RFC1: variants seen among roughly 807,000 people sequenced by gnomAD.
RFC1 encodes the protein replication factor C subunit 1.
Under a neutral mutation model 137.4 loss-of-function variants are expected in RFC1, and 37 were observed. That is an observed-to-expected ratio of 0.27 (90% confidence interval 0.21 to 0.35). The LOEUF (loss-of-function observed/expected upper bound fraction) is 0.35. Among genes scored for constraint, RFC1 ranks in the 10% least tolerant of loss-of-function variants. The pLI, the probability that RFC1 is intolerant of heterozygous loss-of-function variation, is 1.00. For missense variants in RFC1, 1,205 were observed against 1,358.5 expected (o/e 0.89, Z 1.78); for synonymous variants, 429 against 455.7 (o/e 0.94, Z 0.75).
Position 39,366,247 on chromosome 4 carries a change from C to T in RFC1, c.-6G>A. ...CTCCCCCAGCGGCTCACCATCGCAG[C>T]CCCAGGATGAAGGCGCTGGCTGGCT... On this transcript the variant is annotated 5_prime_UTR_variant, in exon 1 of 25. Coordinates refer to ENST00000349703, the MANE Select transcript of RFC1 (RefSeq NM_002913.5). 1.3e-6 allele frequency: 2 copies of T among 1,547,246 alleles called. No individual in the cohort carries two copies. Among genetic ancestry groups the T allele is most frequent in the Admixed American group, 2.0e-5 (1 of 50,794 alleles).
chr4:39,306,005 C>T (rs1417367379), intron 14 of RFC1, among the ~76,000 whole-genome samples: 1 of 152,204 alleles, frequency 6.6e-6, no homozygotes, highest in Non-Finnish European at 1.5e-5. Flanking sequence ...TTTCTAATCT[C>T]TTATTTCATC....
At chr4:39,353,373 C>T (rs1195438396) in intron 1 of RFC1, among the ~76,000 whole-genome samples, 1 of 110,042 alleles carries the variant, frequency 9.1e-6, no homozygotes, top group Non-Finnish European at 1.7e-5. Flanking sequence ...GCACTCCAGC[C>T]TGGGCGACAG....
At chr4:39,322,778 C>CA (rs768012107) in intron 7 of RFC1, among the ~76,000 whole-genome samples, 2,111 of 112,228 alleles carry the variant, frequency 0.019, 38 homozygotes, top group African/African-American at 0.056. Context: ...GACCTTGTCT[C>CA]AAAAAAAAAA....
At chr4:39,306,229 T>C (rs1738645486) in intron 14 of RFC1, among the ~76,000 whole-genome samples, 1 of 152,202 alleles carries the variant, frequency 6.6e-6, no homozygotes, top group African/African-American at 2.4e-5. Flanking sequence ...ATGTGGATGA[T>C]GACAGTACAG....
chr4:39,366,115 T>C, intron 1 of RFC1, 124 bp downstream of exon 1: 1 of 1,088,960 alleles, frequency 9.2e-7, no homozygotes, highest in Non-Finnish European at 1.3e-6. Context: ...TCTCTGCCTT[T>C]GCTAGCCTCC....
chr4:39,308,199 G>A (rs1738781922), intron 13 of RFC1, among the ~76,000 whole-genome samples: 1 of 152,072 alleles, frequency 6.6e-6, no homozygotes, highest in East Asian at 1.9e-4. Context: ...GCTGTCACAT[G>A]GCTTCAGACC....
At chr4:39,350,247 CCG>C (rs1464245992) in intron 2 of RFC1, among the ~76,000 whole-genome samples, 1 of 151,914 alleles carries the variant, frequency 6.6e-6, no homozygotes, top group East Asian at 1.9e-4. Flanking sequence ...GCTCAATGAT[CCG>C]TGAGACAATA....
intron 14 of RFC1, 146 bp from the exon 15 acceptor site, chr4:39,305,074 A>G: frequency 7.7e-6 from 5 of 650,840 alleles, no homozygotes; most frequent in Non-Finnish European, 1.4e-5. Context: ...CTAACAGACA[A>G]TGAGATTAAC....
intron 6 of RFC1, among the ~76,000 whole-genome samples, chr4:39,324,695 G>A (rs1739675663): frequency 6.6e-6 from 1 of 152,228 alleles, no homozygotes; most frequent in Non-Finnish European, 1.5e-5. Context: ...ATGGTTGAGT[G>A]AGACATAAAT....
intron 4 of RFC1, among the ~76,000 whole-genome samples, chr4:39,339,308 T>C (rs539408127): frequency 2.8e-4 from 42 of 152,284 alleles, no homozygotes; most frequent in South Asian, 1.0e-3. Context: ...TTTAATTTCA[T>C]TGGGCTCCTC....
chr4:39,315,842 G>A (rs975601992), intron 10 of RFC1, among the ~76,000 whole-genome samples: 10 of 152,178 alleles, frequency 6.6e-5, no homozygotes, highest in Admixed American at 2.6e-4. Flanking sequence ...TGATCTCTGT[G>A]TAGCTATTTC....
chr4:39,353,378 C>T lies in RFC1; in HGVS notation c.4-1902G>A, dbSNP rs952252361. On this transcript the variant is annotated intron_variant, in intron 1 of 24. Transcript: ENST00000349703. The stretch of plus-strand genomic sequence containing the variant: ...TTGTACCACTGCACTCCAGCCTGGG[C>T]GACAGAACGAGACTGTCTCAAAAAA... Among the ~76,000 whole-genome samples the T allele has an allele frequency of 5.4e-5, 5 of 92,384 alleles. No homozygotes were observed. In the Admixed American group the frequency reaches 7.5e-4, roughly 14 times the overall value. The allele number at this position is 92,384 out of a possible 152,430, so 60.6% of individuals were successfully genotyped here. A position where few individuals can be genotyped will look rare whatever the true frequency, so the allele number is the denominator to read the frequency against.
chr4:39,358,846 G>A (rs953481789), intron 1 of RFC1, among the ~76,000 whole-genome samples: 4 of 152,154 alleles, frequency 2.6e-5, no homozygotes, highest in Middle Eastern at 3.2e-3. Context: ...CACACTGTGC[G>A]AACTAACTCA....
intron 21 of RFC1, among the ~76,000 whole-genome samples, chr4:39,296,710 C>T (rs1218660320): frequency 6.6e-6 from 1 of 151,254 alleles, no homozygotes; most frequent in African/African-American, 2.4e-5. Flanking sequence ...CTGCAATAAA[C>T]ATACATGTGC....
chr4:39,290,892 T>C (rs1185866384), intron 23 of RFC1, among the ~76,000 whole-genome samples: 2 of 152,132 alleles, frequency 1.3e-5, no homozygotes, highest in African/African-American at 4.8e-5. Context: ...TAGATACCTT[T>C]TCCATAATAA....
chr4:39,294,905 G>C (rs1369049809), intron 22 of RFC1, among the ~76,000 whole-genome samples: 19 of 152,138 alleles, frequency 1.2e-4, no homozygotes, highest in Non-Finnish European at 2.5e-4. Flanking sequence ...TCAGGAGGCT[G>C]AGGTGGGAGA....
intron 2 of RFC1, among the ~76,000 whole-genome samples, chr4:39,346,749 G>C (rs1052709669): frequency 6.6e-6 from 1 of 152,144 alleles, no homozygotes; most frequent in Non-Finnish European, 1.5e-5. Flanking sequence ...ATCAAGGACA[G>C]AGTCAGAATC....
intron 9 of RFC1, among the ~76,000 whole-genome samples, chr4:39,319,921 T>C (rs1272893279): frequency 6.6e-6 from 1 of 151,964 alleles, no homozygotes; most frequent in African/African-American, 2.4e-5. Context: ...CTCAGAAGAG[T>C]ACCCAATTTA....
chr4:39,307,514 A>G (rs1346652363), intron 13 of RFC1: 1 of 152,836 alleles, frequency 6.5e-6, no homozygotes, highest in Admixed American at 6.5e-5. Context: ...CAGGAGTTCA[A>G]GACCAGCCTG....
Sources: allele counts gnomAD v4.1 joint callset (sites outside exome capture counted in the v4.1 genomes callset), GRCh38; gene constraint gnomAD v4.1.1; transcripts MANE v1.5; gene names NCBI Gene and HGNC (gene_info 2026-07-23, HGNC 2026-07-21).